Variants in FBXW7 observed in about 807,000 individuals in gnomAD.
FBXW7 encodes F-box and WD repeat domain containing 7, also known as F-box/WD repeat-containing protein 7.
Under a neutral mutation model 86.3 loss-of-function variants are expected in FBXW7, and 11 were observed. The observed-to-expected ratio is 0.13, with a 90% CI of 0.08 to 0.21. The LOEUF (loss-of-function observed/expected upper bound fraction) is 0.21. Ranked by LOEUF, FBXW7 falls within the 10% of genes least tolerant of loss-of-function variation. FBXW7 has a pLI of 1.00. For synonymous variants in FBXW7, 313 were observed against 297.9 expected, an observed-to-expected ratio of 1.05 and a Z score of -0.52; for missense variants, 488 against 847.4, an observed-to-expected ratio of 0.58 and a Z score of 5.27.
chr4:152,500,631 G>T (rs1746852956), intron 2 of FBXW7, among the ~76,000 whole-genome samples: 1 of 152,038 alleles, frequency 6.6e-6, no homozygotes, highest in African/African-American at 2.4e-5. Context: ...CGTGGGAAGG[G>T]GTATGAGGAA....
intron 6 of FBXW7, among the ~76,000 whole-genome samples, chr4:152,341,049 C>A (rs1730688603): frequency 6.6e-6 from 1 of 152,170 alleles, no homozygotes. Context: ...GATTGAGCTA[C>A]CAGTATGCGT....
intron 2 of FBXW7, among the ~76,000 whole-genome samples, chr4:152,471,203 ATATATT>A (rs2149651820): frequency 6.6e-6 from 1 of 151,886 alleles, no homozygotes; most frequent in Non-Finnish European, 1.5e-5. Flanking sequence ...AAAAAATAAG[ATATATT>A]AGAGACCTAT....
In FBXW7 at chr4:152,322,253, GTA is replaced by G. The variant is rs759171594; in HGVS notation, c.*626_*627del. On this transcript the variant is annotated 3_prime_UTR_variant, in exon 14 of 14. Transcript: ENST00000281708. The stretch of plus-strand genomic sequence containing the variant: ...TTGAGCAACATATGCATTGAAGAAT[GTA>G]TATGGAAGCAACAGTAAATAGATTA... 62 of 198,784 alleles carry G rather than the reference GTA, an allele frequency of 3.1e-4. No homozygotes were observed. The highest frequency in any genetic ancestry group is 5.9e-4 in the Non-Finnish European group (59 of 99,348). 12.3% of individuals were successfully genotyped at this position (198,784 alleles called of 1,614,324 possible). A position where few individuals can be genotyped will look rare whatever the true frequency, so the allele number is the denominator to read the frequency against.
At chr4:152,356,552 G>GT (rs1265986884) in intron 4 of FBXW7, among the ~76,000 whole-genome samples, 32 of 152,280 alleles carry the variant, frequency 2.1e-4, no homozygotes, top group Admixed American at 3.3e-4. Flanking sequence ...AACCACCACA[G>GT]TTAGCTGTCT....
intron 2 of FBXW7, among the ~76,000 whole-genome samples, chr4:152,497,810 A>T (rs946583368): frequency 2.0e-5 from 3 of 152,228 alleles, no homozygotes; most frequent in Admixed American, 2.0e-4. Context: ...CCTATGTACG[A>T]GCATTACAAT....
intron 4 of FBXW7, among the ~76,000 whole-genome samples, chr4:152,402,387 G>A (rs534439877): frequency 6.6e-6 from 1 of 152,082 alleles, no homozygotes; most frequent in Admixed American, 6.5e-5. Context: ...AACTTAATAC[G>A]ATGAGTCACA....
At position 152,346,718 on chromosome 4, in the gene FBXW7, G is replaced by A. The variant is rs944285921; in HGVS notation, c.726+212C>T. On this transcript the variant is annotated intron_variant, in intron 6 of 13. Transcript: ENST00000281708. ...TCAGGCAACCATTAATCTACTTTCTGTCTCTATGGATTTGCCTATTCTGGA... is the reference window on the plus strand; with the variant it reads ...TCAGGCAACCATTAATCTACTTTCTATCTCTATGGATTTGCCTATTCTGGA... The A allele has an allele frequency of 5.7e-6, 3 of 528,712 alleles. No homozygotes were observed. In the African/African-American group the frequency reaches 5.9e-5, roughly 10 times the overall value. 32.8% of individuals were successfully genotyped at this position (528,712 alleles called of 1,614,324 possible).
At chr4:152,520,439 C>CAAAAA (rs58890384) in intron 2 of FBXW7, among the ~76,000 whole-genome samples, 1 of 60,508 alleles carries the variant, frequency 1.7e-5, no homozygotes, top group East Asian at 4.6e-4. Context: ...GACTCCGTCT[C>CAAAAA]AAAAAAAAAA....
intron 2 of FBXW7, among the ~76,000 whole-genome samples, chr4:152,509,547 G>C (rs1161639508): frequency 1.3e-5 from 2 of 151,858 alleles, no homozygotes; most frequent in East Asian, 3.9e-4. Flanking sequence ...TAGATATTGA[G>C]GTTAACGAAC....
At chr4:152,402,386 C>T (rs1006618939) in intron 4 of FBXW7, among the ~76,000 whole-genome samples, 7 of 152,052 alleles carry the variant, frequency 4.6e-5, no homozygotes, top group Admixed American at 6.6e-5. Flanking sequence ...AAACTTAATA[C>T]GATGAGTCAC....
chr4:152,475,074 C>G (rs1414470304), intron 2 of FBXW7, among the ~76,000 whole-genome samples: 3 of 151,524 alleles, frequency 2.0e-5, no homozygotes, highest in Non-Finnish European at 4.4e-5. Context: ...GCACTCCATC[C>G]TGGCTGACAG....
chr4:152,443,651 C>T (rs1179454068), intron 2 of FBXW7, among the ~76,000 whole-genome samples: 2 of 152,096 alleles, frequency 1.3e-5, no homozygotes, highest in East Asian at 1.9e-4. Context: ...AAGACACTTT[C>T]TACTGCAGAT....
At chr4:152,342,398 C>T (rs1326305184) in intron 6 of FBXW7, among the ~76,000 whole-genome samples, 1 of 152,156 alleles carries the variant, frequency 6.6e-6, no homozygotes, top group Admixed American at 6.5e-5. Context: ...AAATGCCGAT[C>T]AAGGACAGCA....
intron 2 of FBXW7, among the ~76,000 whole-genome samples, chr4:152,512,647 G>C (rs1322113271): frequency 1.3e-5 from 2 of 152,138 alleles, no homozygotes; most frequent in Non-Finnish European, 2.9e-5. Context: ...AAAAGGCCAT[G>C]TACTGTATGA....
intron 4 of FBXW7, chr4:152,353,095 G>T: frequency 1.5e-6 from 1 of 685,020 alleles, no homozygotes; most frequent in Non-Finnish European, 1.9e-6. Context: ...GTTTTAAATA[G>T]CAAGGAACAT....
In FBXW7 at chr4:152,380,703, C is replaced by T. The variant is rs28417416; in HGVS notation, c.502-30579G>A. Among the ~76,000 whole-genome samples, 997 of 152,012 alleles carry T rather than the reference C, an allele frequency of 6.6e-3. 5 individuals are homozygous for T. Among genetic ancestry groups the T allele is most frequent in the African/African-American group, 0.023 (960 of 41,520 alleles). On this transcript the variant is annotated intron_variant, in intron 4 of 13. Transcript: ENST00000281708. ...CAAAGACAGGAAATATATACTGTAA[C>T]ATAATGAGGCAATCTCCCATATGTA... is the stretch of plus-strand genomic sequence containing the variant.
Position 152,326,373 on chromosome 4 carries a change from A to C in FBXW7, c.1419-142T>G, listed in dbSNP as rs1560759001. 4 of 656,136 alleles carry C rather than the reference A, an allele frequency of 6.1e-6. No homozygotes were observed. In the East Asian group the frequency reaches 1.1e-4, roughly 18 times the overall value. The allele number at this position is 656,136 out of a possible 1,614,324, so 40.6% of individuals were successfully genotyped here. On this transcript the variant is annotated intron_variant, in intron 11 of 13. Transcript: ENST00000281708. ...TTTTTACACAGCAACAACCATTTTC[A>C]AAAGAAATCCTATGTAAAACCTTGG...
intron 9 of FBXW7, 70 bp downstream of exon 9, chr4:152,330,662 C>T (rs2126532561): frequency 7.2e-7 from 1 of 1,388,060 alleles, no homozygotes; most frequent in South Asian, 1.7e-5. Context: ...TACAGTTTGC[C>T]AAGTGAAATA....
chr4:152,328,360 A>G lies in FBXW7; in HGVS notation c.1266T>C (p.Gly422=). The G allele has an allele frequency of 6.4e-6, 10 of 1,572,420 alleles. No homozygotes were observed. Among genetic ancestry groups the G allele is most frequent in the Non-Finnish European group, 8.6e-6 (10 of 1,162,626 alleles). The change falls in exon 11 of 14, where the codon GGT becomes GGC. Residue 422 remains glycine (G), a synonymous_variant. Transcript: ENST00000281708. The part of the protein sequence containing the change: ...KCLRTLVGHT[G]GVWSSQMRDN... ...CTCTCATTTGTGATGACCATACTCC[A>G]CCTGTATGTCCCACTAATGTTCTCA...
Sources: allele counts gnomAD v4.1 joint callset (sites outside exome capture counted in the v4.1 genomes callset), GRCh38; gene constraint gnomAD v4.1.1; transcripts MANE v1.5; gene names NCBI Gene and HGNC (gene_info 2026-07-23, HGNC 2026-07-21).